Variants in GRM1 observed in about 807,000 individuals in gnomAD.
The protein encoded by GRM1 is metabotropic glutamate receptor 1.
GRM1 carries 33 observed loss-of-function variants against 90.9 expected under a neutral mutation model. The observed-to-expected ratio is 0.36, with a 90% CI of 0.28 to 0.49. The LOEUF (loss-of-function observed/expected upper bound fraction) is 0.49. Among genes scored for constraint, GRM1 ranks in the 20% least tolerant of loss-of-function variants. GRM1 has a pLI of 0.99. For synonymous variants in GRM1, 700 were observed against 613.2 expected (o/e 1.14, Z -2.09); for missense variants, 1,190 against 1,534.3 (o/e 0.78, Z 3.75).
intron 1 of GRM1, among the ~76,000 whole-genome samples, chr6:146,148,776 T>C (rs1252297419): frequency 6.6e-6 from 1 of 152,132 alleles, no homozygotes; most frequent in Non-Finnish European, 1.5e-5. Context: ...GTGGATATTA[T>C]CATTAACAAG....
chr6:146,104,555 G>A (rs1777162785), intron 1 of GRM1, among the ~76,000 whole-genome samples: 3 of 152,216 alleles, frequency 2.0e-5, no homozygotes, highest in Admixed American at 2.0e-4. Context: ...GGGCATTAAG[G>A]AAGAGCAGCT....
At chr6:146,060,699 T>G (rs572468273) in intron 1 of GRM1, among the ~76,000 whole-genome samples, 2 of 152,170 alleles carry the variant, frequency 1.3e-5, no homozygotes, top group Non-Finnish European at 2.9e-5. Context: ...TGAATAGAAC[T>G]GTAATAAACA....
chr6:146,115,281 G>C (rs543294110), intron 1 of GRM1, among the ~76,000 whole-genome samples: 4 of 151,106 alleles, frequency 2.6e-5, no homozygotes, highest in African/African-American at 7.3e-5. Flanking sequence ...GTACTATATA[G>C]TACATATGGA....
chr6:146,156,383 G>A (rs1036691752), intron 1 of GRM1, among the ~76,000 whole-genome samples: 17 of 152,166 alleles, frequency 1.1e-4, no homozygotes, highest in Admixed American at 1.1e-3. Flanking sequence ...TCCAGCCTGG[G>A]CGACCAAGAG....
intron 2 of GRM1, among the ~76,000 whole-genome samples, chr6:146,291,011 C>T (rs1050929342): frequency 2.6e-5 from 4 of 152,064 alleles, no homozygotes; most frequent in South Asian, 4.1e-4. Flanking sequence ...CATAATTTCC[C>T]GGACCTGTGA....
chr6:146,206,081 G>A lies in GRM1; in HGVS notation c.950+46484G>A, dbSNP rs1470077777. 2.0e-5 allele frequency among the ~76,000 whole-genome samples: 3 copies of A among 152,178 alleles called. No homozygotes were observed. In the East Asian group the frequency reaches 5.8e-4, roughly 29 times the overall value. ...AAAGAGAAGTGGGGACATCTGCCAA[G>A]CATGGTCAGCATGGTTTCCTATATC... On this transcript the variant is annotated intron_variant, in intron 2 of 7. Transcript: ENST00000282753.
intron 1 of GRM1, among the ~76,000 whole-genome samples, chr6:146,041,825 C>A (rs1791120994): frequency 6.6e-6 from 1 of 151,962 alleles, no homozygotes; most frequent in South Asian, 2.1e-4. Flanking sequence ...TTCTACTCCA[C>A]CATTTTGGTG....
intron 7 of GRM1, among the ~76,000 whole-genome samples, chr6:146,408,901 G>T (rs140394455): frequency 3.3e-5 from 5 of 152,248 alleles, no homozygotes; most frequent in African/African-American, 1.2e-4. Context: ...GTGTTGTAAA[G>T]CTAGTCCAGG....
intron 1 of GRM1, among the ~76,000 whole-genome samples, chr6:146,091,344 C>G (rs1168185115): frequency 6.6e-6 from 1 of 151,902 alleles, no homozygotes; most frequent in African/African-American, 2.4e-5. Flanking sequence ...GTGAGTGCCC[C>G]TCCTAATATT....
intron 6 of GRM1, among the ~76,000 whole-genome samples, chr6:146,395,296 G>A (rs1444107230): frequency 6.6e-6 from 1 of 152,008 alleles, no homozygotes; most frequent in East Asian, 1.9e-4. Context: ...GGAGGTCTAA[G>A]CCTACCTACA....
chr6:146,290,049 A>AG (rs1468180142), intron 2 of GRM1, among the ~76,000 whole-genome samples: 4 of 152,250 alleles, frequency 2.6e-5, no homozygotes, highest in African/African-American at 9.6e-5. Flanking sequence ...CAGCCTGTCC[A>AG]GATTACAAAT....
rs762599848 is a variant in GRM1 at position 146,399,268 on chromosome 6, C to T, written c.2229C>T (p.Tyr743=). Residue 743 remains tyrosine (Y), a synonymous_variant, in exon 7 of 8, where the codon TAC becomes TAT. Transcript: ENST00000282753. This position sits in a 1 kb window ranked among gnomAD's most constrained non-coding sequence, Gnocchi z 5.4. ...ILSYPSIKEV[Y]LICNTSNLGV... ...CCTACCCAAGTATCAAGGAAGTCTA[C>T]CTTATCTGCAATACCAGCAACCTGG... is the stretch of plus-strand genomic sequence containing the variant. 1.9e-6 allele frequency: 3 copies of T among 1,614,076 alleles called. No homozygotes were observed. Among genetic ancestry groups the T allele is most frequent in the Non-Finnish European group, 2.5e-6 (3 of 1,180,012 alleles).
At chr6:146,271,209 T>C (rs552953188) in intron 2 of GRM1, among the ~76,000 whole-genome samples, 1 of 152,176 alleles carries the variant, frequency 6.6e-6, no homozygotes, top group Non-Finnish European at 1.5e-5. Context: ...TTTCACTATG[T>C]TGGCCAGGAT....
At chr6:146,202,108 C>G (rs1481994196) in intron 2 of GRM1, among the ~76,000 whole-genome samples, 1 of 152,188 alleles carries the variant, frequency 6.6e-6, no homozygotes, top group Non-Finnish European at 1.5e-5. Flanking sequence ...TAGAAATATG[C>G]ACTCCATAAA....
chr6:146,182,124 AT>A (rs994930574), intron 2 of GRM1, among the ~76,000 whole-genome samples: 4 of 152,158 alleles, frequency 2.6e-5, no homozygotes, highest in Non-Finnish European at 5.9e-5. Context: ...TTATTGGCCT[AT>A]TTTGTTAACC....
At chr6:146,078,328 T>A (rs1019760937) in intron 1 of GRM1, among the ~76,000 whole-genome samples, 1 of 152,198 alleles carries the variant, frequency 6.6e-6, no homozygotes, top group Non-Finnish European at 1.5e-5. Flanking sequence ...TGTGTTGTTT[T>A]TAATGGCAGT....
chr6:146,088,511 G>C (rs1776617713), intron 1 of GRM1, among the ~76,000 whole-genome samples: 1 of 152,088 alleles, frequency 6.6e-6, no homozygotes, highest in South Asian at 2.1e-4. Flanking sequence ...AGAACCCAGT[G>C]TTTAGTCTAG....
chr6:146,159,612 C>A lies in GRM1; in HGVS notation c.950+15C>A. 1 of 869,530 alleles carries A rather than the reference C, an allele frequency of 1.2e-6. No individual in the cohort carries two copies. Among genetic ancestry groups the A allele is most frequent in the Non-Finnish European group, 1.6e-6 (1 of 628,322 alleles). 53.9% of individuals were successfully genotyped at this position (869,530 alleles called of 1,614,324 possible). On this transcript the variant is annotated intron_variant, in intron 2 of 7. Transcript: ENST00000282753. ...CTCATTGGAAGGTAAGTTTCTCTCTCTCTCTCTCTCTCTCTCTCTCTCTCT... is the reference window on the plus strand; with the variant it reads ...CTCATTGGAAGGTAAGTTTCTCTCTATCTCTCTCTCTCTCTCTCTCTCTCT...
chr6:146,228,299 G>A (rs1168062372), intron 2 of GRM1, among the ~76,000 whole-genome samples: 1 of 152,180 alleles, frequency 6.6e-6, no homozygotes, highest in Non-Finnish European at 1.5e-5. Flanking sequence ...AGCAGGTGCT[G>A]GTGTCTGGTG....
Sources: allele counts gnomAD v4.1 joint callset (sites outside exome capture counted in the v4.1 genomes callset), GRCh38; gene constraint gnomAD v4.1.1; non-coding constraint Gnocchi (gnomAD v3.1); transcripts MANE v1.5; gene names NCBI Gene and HGNC (gene_info 2026-07-23, HGNC 2026-07-21).